Variants in BHMT observed in about 807,000 individuals in gnomAD.
BHMT encodes the protein betaine--homocysteine S-methyltransferase 1.
BHMT carries 38 observed loss-of-function variants against 49.5 expected under a neutral mutation model. That is an observed-to-expected ratio of 0.77 (90% CI 0.59 to 1.01). The LOEUF (loss-of-function observed/expected upper bound fraction) is 1.01. Ranked by LOEUF, BHMT falls within the 50% of genes least tolerant of loss-of-function variation. The probability of loss-of-function intolerance (pLI) is 0.00; values close to 1 mark genes in which losing one functional copy is unlikely to be tolerated. For synonymous variants in BHMT, 166 were observed against 176.3 expected, an observed-to-expected ratio of 0.94 and a Z score of 0.46; for missense variants, 426 against 495.7, an observed-to-expected ratio of 0.86 and a Z score of 1.34.
chr5:79,120,712 A>G (rs911981042), intron 4 of BHMT, among the ~76,000 whole-genome samples, 171 bp downstream of exon 4: 5 of 152,252 alleles, frequency 3.3e-5, no homozygotes, highest in African/African-American at 1.2e-4. Flanking sequence ...TGATTTAATT[A>G]ATCTGATATG....
intron 5 of BHMT, 79 bp downstream of exon 5, chr5:79,121,444 G>A (rs1756471269): frequency 2.2e-5 from 33 of 1,510,666 alleles, no homozygotes; most frequent in African/African-American, 2.8e-5. Context: ...ACAAATCAGT[G>A]TATACTACTT....
chr5:79,123,516 TTTGGTTGGTTGG>T (rs776530378), intron 5 of BHMT, among the ~76,000 whole-genome samples: 2 of 102,906 alleles, frequency 1.9e-5, no homozygotes, highest in Non-Finnish European at 4.2e-5. Context: ...AAAAGTCCTT[TTTGGTTGGTTGG>T]TTGGTTGGTT....
At chr5:79,130,478 A>G (rs1252287189) in intron 7 of BHMT, among the ~76,000 whole-genome samples, 1 of 152,004 alleles carries the variant, frequency 6.6e-6, no homozygotes, top group Non-Finnish European at 1.5e-5. Flanking sequence ...TACAAAAGTA[A>G]AATACAGTGT....
Position 79,127,501 on chromosome 5 carries a change from G to A in BHMT, c.809-254G>A, listed in dbSNP as rs559949928. Among the ~76,000 whole-genome samples, 7 of 152,282 alleles carry A rather than the reference G, an allele frequency of 4.6e-5. No individual in the cohort carries two copies. The South Asian group carries it at 1.5e-3, about 32-fold the overall frequency. On this transcript the variant is annotated intron_variant, in intron 6 of 7. Transcript: ENST00000274353. ...TCTATGGATCTCACAGACCAGCCCTGTTATAATGCAAGAGGGGACTGCACA... is the reference window on the plus strand; with the variant it reads ...TCTATGGATCTCACAGACCAGCCCTATTATAATGCAAGAGGGGACTGCACA...
At position 79,130,984 on chromosome 5, in the gene BHMT, C is replaced by T. The variant is rs777124916; in HGVS notation, c.1089C>T (p.Tyr363=). The change falls in exon 8 of 8, where the codon TAC becomes TAT. Residue 363 remains tyrosine (Y), a synonymous_variant. Coordinates refer to ENST00000274353, the MANE Select transcript of BHMT (RefSeq NM_001713.3). ...ENLRIASGRP[Y]NPSMSKPDGW... ...TTCGGATAGCCTCAGGCCGGCCATA[C>T]AACCCTTCAATGTCAAAGCCAGATG... is the stretch of plus-strand genomic sequence containing the variant. 6.2e-7 allele frequency: 1 copy of T among 1,613,964 alleles called. No individual in the cohort carries two copies. The highest frequency in any genetic ancestry group is 1.3e-5 in the African/African-American group (1 of 75,004).
chr5:79,119,607 A>T, intron 3 of BHMT: 1 of 368,840 alleles, frequency 2.7e-6, no homozygotes, highest in South Asian at 5.0e-5. Context: ...ATGATTAATG[A>T]TTCTCCCAGT....
chr5:79,114,031 A>G (rs1756347181), intron 1 of BHMT, among the ~76,000 whole-genome samples: 1 of 151,280 alleles, frequency 6.6e-6, no homozygotes. Context: ...GTAGCAAGTC[A>G]TATCTCATTT....
Position 79,126,199 on chromosome 5 carries a change from G to A in BHMT, c.779G>A (p.Gly260Glu). 6.2e-7 allele frequency: 1 copy of A among 1,613,724 alleles called. No individual in the cohort carries two copies. The highest frequency in any genetic ancestry group is 8.5e-7 in the Non-Finnish European group (1 of 1,179,782). ...AYHTPDCNKQ[G>E]FIDLPEFPFG... ...CACACTCCTGACTGCAACAAGCAGG[G>A]ATTCATCGATCTCCCAGAATTCCCA... Residue 260 changes from glycine (G) to glutamate (E), a missense_variant, in exon 6 of 8, where the codon GGA becomes GAA. By Grantham distance (98) the Gly-to-Glu change is moderately conservative. Coordinates refer to ENST00000274353, the MANE Select transcript of BHMT (RefSeq NM_001713.3).
intron 7 of BHMT, among the ~76,000 whole-genome samples, chr5:79,130,643 A>G (rs1412663092): frequency 1.3e-5 from 2 of 150,244 alleles, no homozygotes; most frequent in African/African-American, 2.5e-5. Flanking sequence ...TGTTAATGGT[A>G]TGTCATACTT....
intron 6 of BHMT, among the ~76,000 whole-genome samples, chr5:79,127,170 G>A (rs1756565434): frequency 6.6e-6 from 1 of 152,160 alleles, no homozygotes; most frequent in African/African-American, 2.4e-5. Flanking sequence ...AGAGGTTGGA[G>A]TCCGGATATT....
At chr5:79,118,204 G>A (rs1010703877) in intron 2 of BHMT, among the ~76,000 whole-genome samples, 3 of 152,088 alleles carry the variant, frequency 2.0e-5, no homozygotes, top group Admixed American at 1.3e-4. Flanking sequence ...GAGGCCTCAC[G>A]CCTGTAATCC....
intron 2 of BHMT, among the ~76,000 whole-genome samples, chr5:79,118,696 G>C (rs921745975): frequency 3.3e-5 from 5 of 152,164 alleles, no homozygotes; most frequent in Non-Finnish European, 5.9e-5. Flanking sequence ...TGCCATGCCT[G>C]TTCCCGCTTT....
chr5:79,112,907 A>G (rs1275467196), intron 1 of BHMT, among the ~76,000 whole-genome samples: 1 of 152,180 alleles, frequency 6.6e-6, no homozygotes, highest in African/African-American at 2.4e-5. Flanking sequence ...CTTTTGGTCA[A>G]ATGCCCAGTC....
chr5:79,130,520 T>C (rs897098853), intron 7 of BHMT, among the ~76,000 whole-genome samples: 1 of 151,778 alleles, frequency 6.6e-6, no homozygotes, highest in African/African-American at 2.4e-5. Context: ...CACAGCATCA[T>C]GGATGGAGAC....
At position 79,119,352 on chromosome 5, in the gene BHMT, G is replaced by C; in HGVS notation, c.260G>C (p.Gly87Ala). ...AGTGAAGACAAGCTGGAGAACAGGG[G>C]CAACTATGTCTTAGAGAAGATATCT... ...YASEDKLENR[G>A]NYVLEKISGQ... Residue 87 changes from glycine (G) to alanine (A), a missense_variant, in exon 3 of 8, where the codon GGC (glycine) becomes GCC (alanine). This residue lies in a region of BHMT where 321 missense variants were observed against 355.9 expected (regional missense o/e 0.90). Transcript: ENST00000274353. 1 of 1,613,732 alleles carries C rather than the reference G, an allele frequency of 6.2e-7. No individual in the cohort carries two copies. The highest frequency in any genetic ancestry group is 8.5e-7 in the Non-Finnish European group (1 of 1,179,772).
intron 7 of BHMT, among the ~76,000 whole-genome samples, chr5:79,130,018 A>C (rs905041508): frequency 1.3e-5 from 2 of 152,116 alleles, no homozygotes; most frequent in South Asian, 4.1e-4. Flanking sequence ...AATTAGCTGT[A>C]CTAATTTTGT....
intron 5 of BHMT, among the ~76,000 whole-genome samples, chr5:79,121,781 C>G (rs540632254): frequency 2.1e-5 from 3 of 143,550 alleles, no homozygotes; most frequent in African/African-American, 7.7e-5. Flanking sequence ...CGCCACTGCA[C>G]TCCAGCCTGG....
intron 5 of BHMT, among the ~76,000 whole-genome samples, chr5:79,124,284 C>T (rs1280956223): frequency 6.6e-6 from 1 of 152,124 alleles, no homozygotes; most frequent in Non-Finnish European, 1.5e-5. Flanking sequence ...TGCAGGGGCT[C>T]ATGCCTACAA....
rs75230178 is a variant in BHMT at position 79,123,286 on chromosome 5, C to G, written c.625+1921C>G. Among the ~76,000 whole-genome samples the G allele has an allele frequency of 5.6e-3, 860 of 152,222 alleles. 8 individuals carry two copies. Among genetic ancestry groups the G allele is most frequent in the African/African-American group, 0.02 (846 of 41,514 alleles). ...GAAGGGGAGTGAGGCCTACTTGGAA[C>G]AAGAATGAAGAGCAAACTGCAGACC... On this transcript the variant is annotated intron_variant, in intron 5 of 7. Transcript: ENST00000274353.
Sources: allele counts gnomAD v4.1 joint callset (sites outside exome capture counted in the v4.1 genomes callset), GRCh38; gene constraint gnomAD v4.1.1; regional missense constraint gnomAD v4.1.1; transcripts MANE v1.5; gene names NCBI Gene and HGNC (gene_info 2026-07-23, HGNC 2026-07-21).